PDS5B: variants seen among roughly 807,000 people sequenced by gnomAD.
The protein encoded by PDS5B is sister chromatid cohesion protein PDS5 homolog B.
A neutral mutation model predicts 184.1 loss-of-function variants in PDS5B; 51 were observed. The ratio of observed to expected loss-of-function variants is 0.28; its 90% confidence interval spans 0.22 to 0.35. The LOEUF is 0.35. Among genes scored for constraint, PDS5B ranks in the 10% least tolerant of loss-of-function variants. The probability of loss-of-function intolerance (pLI) is 1.00; values close to 1 mark genes in which losing one functional copy is unlikely to be tolerated. For synonymous variants in PDS5B, 566 were observed against 569.2 expected (o/e 0.99, Z 0.08); for missense variants, 1,180 against 1,723.3 (o/e 0.68, Z 5.58).
intron 24 of PDS5B, among the ~76,000 whole-genome samples, chr13:32,750,635 G>A (rs1403580351): frequency 4.0e-5 from 6 of 150,972 alleles, no homozygotes; most frequent in African/African-American, 7.3e-5. Context: ...TCTGCCTCCC[G>A]GGTTTAAGCG....
At chr13:32,622,106 C>G (rs902790294) in intron 1 of PDS5B, among the ~76,000 whole-genome samples, 2 of 151,934 alleles carry the variant, frequency 1.3e-5, no homozygotes, top group Non-Finnish European at 2.9e-5. Context: ...CTAATTTCCA[C>G]TCTTTTTTAT....
Position 32,648,778 on chromosome 13 carries a change from T to A in PDS5B, c.6T>A (p.Ala2=), listed in dbSNP as rs534207351. 5.3e-5 allele frequency: 76 copies of A among 1,438,198 alleles called. 1 individual carries two copies. The South Asian group carries it at 8.1e-4, about 15-fold the overall frequency. 89.1% of individuals were successfully genotyped at this position (1,438,198 alleles called of 1,614,324 possible). A position where few individuals can be genotyped will look rare whatever the true frequency, so the allele number is the denominator to read the frequency against. Reference sequence around the variant, plus strand: ...GGGGTAGAAATATTTCTGTCATGGCTCATTCAAAGACTAGGACCAATGATG... The same window carrying A: ...GGGGTAGAAATATTTCTGTCATGGCACATTCAAAGACTAGGACCAATGATG... M[A]HSKTRTNDGK... Residue 2 remains alanine (A), a synonymous_variant, in exon 2 of 35, where the codon GCT becomes GCA. Coordinates refer to ENST00000315596, the MANE Select transcript of PDS5B (RefSeq NM_015032.4).
intron 1 of PDS5B, among the ~76,000 whole-genome samples, chr13:32,593,849 A>AG (rs2057814128): frequency 6.6e-6 from 1 of 152,090 alleles, no homozygotes; most frequent in African/African-American, 2.4e-5. Context: ...TGGAAGAGAG[A>AG]GAGGAGGTGG....
At chr13:32,725,461 C>G (rs1952865771) in intron 19 of PDS5B, among the ~76,000 whole-genome samples, 2 of 152,052 alleles carry the variant, frequency 1.3e-5, no homozygotes, top group South Asian at 4.2e-4. Flanking sequence ...CTATCTTGCA[C>G]TTGTTCTGCC....
chr13:32,635,808 C>T (rs1331969945), intron 1 of PDS5B, among the ~76,000 whole-genome samples: 3 of 148,946 alleles, frequency 2.0e-5, no homozygotes, highest in Non-Finnish European at 4.5e-5. Flanking sequence ...TGCTCTGTCG[C>T]CCAGGCTGGA....
chr13:32,658,349 G>A (rs1950568956), intron 4 of PDS5B, 24 bp downstream of exon 4: 2 of 1,422,858 alleles, frequency 1.4e-6, no homozygotes, highest in East Asian at 4.6e-5. Flanking sequence ...TGTATCTTGA[G>A]ATGACATTTT....
intron 3 of PDS5B, among the ~76,000 whole-genome samples, chr13:32,657,641 G>A (rs1040475766): frequency 6.6e-6 from 1 of 152,074 alleles, no homozygotes; most frequent in East Asian, 1.9e-4. Flanking sequence ...TTGATTGTGT[G>A]GTTGCTTTAT....
At chr13:32,661,392 A>AT (rs1950640460) in intron 6 of PDS5B, among the ~76,000 whole-genome samples, 1 of 149,120 alleles carries the variant, frequency 6.7e-6, no homozygotes, top group Non-Finnish European at 1.5e-5. Flanking sequence ...TCTCAAAAAA[A>AT]AAAAAAAAAA....
intron 24 of PDS5B, among the ~76,000 whole-genome samples, chr13:32,752,671 G>A (rs1008056624): frequency 6.6e-6 from 1 of 152,154 alleles, no homozygotes; most frequent in African/African-American, 2.4e-5. Context: ...GGATAAGTAG[G>A]AGTTAGCTAG....
At chr13:32,620,454 G>A (rs953546161) in intron 1 of PDS5B, among the ~76,000 whole-genome samples, 25 of 151,888 alleles carry the variant, frequency 1.6e-4, no homozygotes, top group South Asian at 4.1e-4. Context: ...TCAGGAGATC[G>A]AGACCATCCT....
intron 19 of PDS5B, among the ~76,000 whole-genome samples, chr13:32,711,055 T>C (rs1279174330): frequency 1.3e-5 from 2 of 152,028 alleles, no homozygotes; most frequent in African/African-American, 2.4e-5. Flanking sequence ...TAGTGTGGTG[T>C]GATCTCAGCT....
chr13:32,750,302 G>C (rs1953925106), intron 24 of PDS5B, among the ~76,000 whole-genome samples: 1 of 152,178 alleles, frequency 6.6e-6, no homozygotes, highest in African/African-American at 2.4e-5. Context: ...ACCTGGACTT[G>C]ATTGGGATTT....
chr13:32,643,222 G>A (rs1950142447), intron 1 of PDS5B, among the ~76,000 whole-genome samples: 1 of 152,088 alleles, frequency 6.6e-6, no homozygotes. Context: ...TCCCTGGAGT[G>A]CTTTGTCCTA....
intron 24 of PDS5B, 56 bp downstream of exon 24, chr13:32,746,156 A>G (rs1259423793): frequency 1.5e-5 from 22 of 1,471,382 alleles, no homozygotes; most frequent in Admixed American, 1.8e-5. Flanking sequence ...TTTAGGAAGG[A>G]AAAACATCCA....
chr13:32,740,665 C>G (rs1259364709), intron 21 of PDS5B, among the ~76,000 whole-genome samples: 5 of 152,044 alleles, frequency 3.3e-5, no homozygotes, highest in African/African-American at 1.2e-4. Context: ...AAAACAAAAA[C>G]AAAACCCCTC....
intron 6 of PDS5B, among the ~76,000 whole-genome samples, chr13:32,665,783 T>C (rs1950778885): frequency 1.3e-5 from 2 of 151,956 alleles, no homozygotes; most frequent in South Asian, 4.1e-4. Context: ...GATGAGTGTA[T>C]AAAGAAATTG....
intron 19 of PDS5B, among the ~76,000 whole-genome samples, chr13:32,731,640 T>C (rs1953125941): frequency 6.6e-6 from 1 of 152,214 alleles, no homozygotes; most frequent in South Asian, 2.1e-4. Context: ...GCATGTAATA[T>C]TGCTTAATAA....
intron 23 of PDS5B, among the ~76,000 whole-genome samples, chr13:32,743,653 GT>G (rs1396284281): frequency 6.6e-6 from 1 of 151,844 alleles, no homozygotes; most frequent in Non-Finnish European, 1.5e-5. Context: ...TGCTTATACT[GT>G]ATTCTCCTTG....
intron 18 of PDS5B, among the ~76,000 whole-genome samples, chr13:32,709,503 G>A (rs1300931147): frequency 6.6e-6 from 1 of 151,812 alleles, no homozygotes; most frequent in Admixed American, 6.6e-5. Context: ...TTGTGATTTG[G>A]ACATTGGAAC....
Sources: gnomAD v4.1 joint callset for allele counts (sites outside exome capture counted in the v4.1 genomes callset) on GRCh38, gnomAD v4.1.1 for gene constraint, MANE v1.5 for transcripts, NCBI Gene and HGNC (gene_info 2026-07-23, HGNC 2026-07-21) for gene names.